Variants in DAB1 observed in about 807,000 individuals in gnomAD.
DAB1 encodes the protein disabled homolog 1.
In DAB1, 15 loss-of-function variants were observed where a neutral mutation model predicts 64.6. The observed-to-expected ratio is 0.23, with a 90% CI of 0.16 to 0.36. The LOEUF (loss-of-function observed/expected upper bound fraction) is 0.36. Ranked by LOEUF, DAB1 falls within the 10% of genes least tolerant of loss-of-function variation. The probability of loss-of-function intolerance (pLI) is 1.00; values close to 1 mark genes in which losing one functional copy is unlikely to be tolerated. For missense variants in DAB1, 596 were observed against 706.7 expected (o/e 0.84, Z 1.78); for synonymous variants, 235 against 251.9 (o/e 0.93, Z 0.64).
chr1:57,228,971 A>G lies in DAB1; in HGVS notation c.67+61993T>C, dbSNP rs187807120. 1.6e-3 allele frequency among the ~76,000 whole-genome samples: 246 copies of G among 152,352 alleles called. 2 individuals are homozygous for G. Among genetic ancestry groups the G allele is most frequent in the African/African-American group, 5.5e-3 (228 of 41,590 alleles). On this transcript the variant is annotated intron_variant, in intron 2 of 14. Transcript: ENST00000371236. ...TCTCACAGAAAATGTTGAGCCAAAA[A>G]GTAGAAAGATATGTCTATGTTCAGT...
At chr1:58,324,262 T>C (rs1371392517) in intron 4 of DAB1, among the ~76,000 whole-genome samples, 2 of 152,204 alleles carry the variant, frequency 1.3e-5, no homozygotes, top group Non-Finnish European at 2.9e-5. Context: ...ACAGTAGATG[T>C]TCAGTAAAGG....
intron 6 of DAB1, among the ~76,000 whole-genome samples, chr1:57,689,358 G>T (rs1158953188): frequency 6.6e-6 from 1 of 152,180 alleles, no homozygotes; most frequent in Non-Finnish European, 1.5e-5. Flanking sequence ...GGTGGAGATG[G>T]TAGTGAAGGT....
intron 4 of DAB1, among the ~76,000 whole-genome samples, chr1:58,203,792 A>G (rs371510206): frequency 6.6e-6 from 1 of 152,170 alleles, no homozygotes; most frequent in Non-Finnish European, 1.5e-5. Flanking sequence ...AAAATGATGT[A>G]TTTTGTGTTT....
chr1:57,559,822 G>T (rs1444818932), intron 7 of DAB1, among the ~76,000 whole-genome samples: 3 of 152,184 alleles, frequency 2.0e-5, no homozygotes, highest in African/African-American at 7.2e-5. Context: ...CCACTACCTA[G>T]AAAAATAGTA....
At chr1:58,503,749 G>A (rs1258106333) in intron 3 of DAB1, among the ~76,000 whole-genome samples, 1 of 152,066 alleles carries the variant, frequency 6.6e-6, no homozygotes, top group Non-Finnish European at 1.5e-5. Context: ...TTGGAAATTG[G>A]ATCTAAGATT....
chr1:57,530,345 A>G (rs1409095278), intron 7 of DAB1, among the ~76,000 whole-genome samples: 1 of 152,186 alleles, frequency 6.6e-6, no homozygotes, highest in Admixed American at 6.5e-5. Context: ...ATTGTGACAT[A>G]CCATTTCCCT....
chr1:57,056,333 TAAAAAAAAAAA>T (rs903018252), intron 9 of DAB1, among the ~76,000 whole-genome samples: 1 of 117,308 alleles, frequency 8.5e-6, no homozygotes, highest in Non-Finnish European at 1.8e-5. Flanking sequence ...TCCTCATCTT[TAAAAAAAAAAA>T]AAAAAAAAAA....
intron 7 of DAB1, among the ~76,000 whole-genome samples, chr1:57,433,005 C>G (rs948438888): frequency 1.3e-5 from 2 of 151,940 alleles, no homozygotes; most frequent in African/African-American, 4.8e-5. Context: ...ATACATTGAA[C>G]AAAAGTTGTG....
At chr1:57,667,245 T>C (rs1646459258) in intron 6 of DAB1, among the ~76,000 whole-genome samples, 1 of 152,152 alleles carries the variant, frequency 6.6e-6, no homozygotes, top group Non-Finnish European at 1.5e-5. Context: ...TATGAAAGAT[T>C]GCAGCCCACA....
chr1:57,760,825 G>A (rs201050933), intron 6 of DAB1, among the ~76,000 whole-genome samples: 1 of 152,148 alleles, frequency 6.6e-6, no homozygotes, highest in East Asian at 1.9e-4. Flanking sequence ...GTACAGGAAA[G>A]CAAGCCCAAT....
intron 7 of DAB1, among the ~76,000 whole-genome samples, chr1:57,564,917 C>G: frequency 6.6e-6 from 1 of 152,076 alleles, no homozygotes; most frequent in East Asian, 1.9e-4. Flanking sequence ...TCAGGAAATA[C>G]AGAGAATGCC....
intron 6 of DAB1, among the ~76,000 whole-genome samples, chr1:57,731,174 T>C (rs780104258): frequency 1.1e-4 from 16 of 152,160 alleles, no homozygotes; most frequent in Non-Finnish European, 1.9e-4. Flanking sequence ...AGCTACTACA[T>C]AGATGAACCA....
At chr1:57,861,740 A>G (rs1247413459) in intron 1 of DAB1, among the ~76,000 whole-genome samples, 1 of 149,334 alleles carries the variant, frequency 6.7e-6, no homozygotes, top group Non-Finnish European at 1.5e-5. Context: ...ATCAATAATT[A>G]CTAGTATTAT....
intron 5 of DAB1, among the ~76,000 whole-genome samples, chr1:58,026,069 G>A (rs1366679005): frequency 6.6e-6 from 1 of 152,048 alleles, no homozygotes; most frequent in East Asian, 1.9e-4. Context: ...AGCCATTTGT[G>A]TGCTTGTCTC....
At chr1:58,485,533 C>A (rs1051251702) in intron 3 of DAB1, among the ~76,000 whole-genome samples, 10 of 152,090 alleles carry the variant, frequency 6.6e-5, no homozygotes, top group Admixed American at 3.9e-4. Context: ...TATGACCATA[C>A]ATATTTCTAT....
intron 6 of DAB1, among the ~76,000 whole-genome samples, chr1:57,755,032 G>GTAATCA: frequency 6.6e-6 from 1 of 152,116 alleles, no homozygotes; most frequent in East Asian, 1.9e-4. Context: ...AAGTAAAAAG[G>GTAATCA]TAATCAAACA....
At chr1:57,734,554 C>T (rs1647593357) in intron 6 of DAB1, among the ~76,000 whole-genome samples, 1 of 152,174 alleles carries the variant, frequency 6.6e-6, no homozygotes, top group Admixed American at 6.5e-5. Flanking sequence ...AGCATCTATT[C>T]CATTCTCCAC....
intron 5 of DAB1, among the ~76,000 whole-genome samples, chr1:58,035,279 A>C (rs1260710426): frequency 6.6e-6 from 1 of 152,198 alleles, no homozygotes; most frequent in Non-Finnish European, 1.5e-5. Flanking sequence ...AAACACCACC[A>C]CCTGGAACAA....
In DAB1 at chr1:58,145,372, C is replaced by T. The variant is rs553401087; in HGVS notation, n.387+5139G>A. Among the ~76,000 whole-genome samples, 4 of 152,290 alleles carry T rather than the reference C, an allele frequency of 2.6e-5. No homozygotes were observed. The South Asian group carries it at 6.2e-4, about 24-fold the overall frequency. On this transcript the variant is annotated intron_variant and non_coding_transcript_variant, in intron 5 of 20. Transcript: ENST00000485760. ...TGGCCATTATCCGCAACACATGACGCATCTCTGTCTCGGTTTCTTTTCTGT... is the reference window on the plus strand; with the variant it reads ...TGGCCATTATCCGCAACACATGACGTATCTCTGTCTCGGTTTCTTTTCTGT...
Sources: allele counts gnomAD v4.1 joint callset (sites outside exome capture counted in the v4.1 genomes callset), GRCh38; gene constraint gnomAD v4.1.1; transcripts MANE v1.5; gene names NCBI Gene and HGNC (gene_info 2026-07-23, HGNC 2026-07-21).